Variants in SAMD12 observed in about 807,000 individuals in gnomAD.
SAMD12 encodes the protein sterile alpha motif domain-containing protein 12.
SAMD12 carries 9 observed loss-of-function variants against 15.0 expected under a neutral mutation model. That is an observed-to-expected ratio of 0.60 (90% CI 0.36 to 1.05). The LOEUF (loss-of-function observed/expected upper bound fraction) is 1.05. Ranked by LOEUF, SAMD12 falls within the 50% of genes least tolerant of loss-of-function variation. The pLI, the probability that SAMD12 is intolerant of heterozygous loss-of-function variation, is 0.01. For synonymous variants in SAMD12, 86 were observed against 90.1 expected, an observed-to-expected ratio of 0.96 and a Z score of 0.25; for missense variants, 230 against 234.2, an observed-to-expected ratio of 0.98 and a Z score of 0.12.
intron 4 of SAMD12, chr8:118,288,265 G>A (rs1221357944): frequency 6.6e-6 from 1 of 152,150 alleles, no homozygotes; most frequent in Non-Finnish European, 1.5e-5. Context: ...TCAGAGAAAT[G>A]AAATAACATG....
chr8:118,447,683 TTTTTTTA>T (rs1822955349), intron 2 of SAMD12, among the ~76,000 whole-genome samples: 1 of 147,426 alleles, frequency 6.8e-6, no homozygotes, highest in African/African-American at 2.6e-5. Context: ...TTTCATTTTA[TTTTTTTA>T]TTTTTTATTT....
At chr8:118,541,303 A>C (rs1470729010) in intron 2 of SAMD12, among the ~76,000 whole-genome samples, 1 of 152,168 alleles carries the variant, frequency 6.6e-6, no homozygotes, top group Admixed American at 6.5e-5. Context: ...TCTAAGCCTT[A>C]CCCTTCCTCA....
chr8:118,524,514 G>A lies in SAMD12; in HGVS notation c.192+56201C>T, dbSNP rs773525351. On this transcript the variant is annotated intron_variant, in intron 2 of 3. Transcript: ENST00000314727. ...CTCTTCCCTCCCCCTAGGATAACTC[G>A]CCCAGTCTCCAGGCTTTAAATACCA... Among the ~76,000 whole-genome samples, 7 of 151,806 alleles carry A rather than the reference G, an allele frequency of 4.6e-5. No homozygotes were observed. The South Asian group carries it at 1.0e-3, about 23-fold the overall frequency.
chr8:118,557,416 G>A (rs112189423), intron 2 of SAMD12, among the ~76,000 whole-genome samples: 2,685 of 152,278 alleles, frequency 0.018, 81 homozygotes, highest in African/African-American at 0.061. Flanking sequence ...AGCTGTGTGA[G>A]AACAGACTAA....
intron 4 of SAMD12, among the ~76,000 whole-genome samples, chr8:118,338,490 T>C (rs1314815088): frequency 6.6e-6 from 1 of 152,216 alleles, no homozygotes; most frequent in Non-Finnish European, 1.5e-5. Context: ...AAACAATGTG[T>C]TAAAGAATAA....
At chr8:118,448,239 C>A (rs1313783295) in intron 2 of SAMD12, among the ~76,000 whole-genome samples, 16 of 152,196 alleles carry the variant, frequency 1.1e-4, no homozygotes, top group Non-Finnish European at 2.1e-4. Context: ...CTATCCTGAT[C>A]TCCCTGTTTA....
At chr8:118,279,353 G>T (rs952552263) in intron 4 of SAMD12, among the ~76,000 whole-genome samples, 2 of 150,840 alleles carry the variant, frequency 1.3e-5, no homozygotes, top group African/African-American at 4.9e-5. Flanking sequence ...GAATACACAT[G>T]AAAAAAAAAT....
intron 4 of SAMD12, among the ~76,000 whole-genome samples, chr8:118,283,808 T>C (rs927650584): frequency 6.6e-6 from 1 of 152,182 alleles, no homozygotes; most frequent in Admixed American, 6.5e-5. Flanking sequence ...CAGATGAATA[T>C]GGGATTAAAC....
chr8:118,428,371 C>T (rs1189112018), intron 3 of SAMD12, among the ~76,000 whole-genome samples: 3 of 147,956 alleles, frequency 2.0e-5, no homozygotes, highest in Non-Finnish European at 4.5e-5. Context: ...TCAAGTCCAG[C>T]GTGGGCAACA....
At chr8:118,166,596 T>C in the SAMD12 span, among the ~76,000 whole-genome samples, 1 of 152,228 alleles carries the variant, frequency 6.6e-6, no homozygotes, top group Non-Finnish European at 1.5e-5. Context: ...GCATGGTTAT[T>C]CACCTTTACA....
At chr8:118,581,403 T>C (rs1827293461) in intron 1 of SAMD12, among the ~76,000 whole-genome samples, 1 of 152,168 alleles carries the variant, frequency 6.6e-6, no homozygotes, top group East Asian at 1.9e-4. Flanking sequence ...CCTGGAAACA[T>C]GGATTTACAT....
At chr8:118,197,411 A>G (rs2129756638) in exon 5 of SAMD12, 2 of 480,492 alleles carry the variant, frequency 4.2e-6, no homozygotes, top group Non-Finnish European at 7.4e-6. Context: ...AGCTCCCCAA[A>G]GGGAACTTGA....
intron 2 of SAMD12, among the ~76,000 whole-genome samples, chr8:118,548,843 CAG>C (rs569549997): frequency 1.2e-3 from 176 of 152,314 alleles, no homozygotes; most frequent in African/African-American, 4.1e-3. Context: ...GCTTTTCCGA[CAG>C]ACTTAAAAAA....
chr8:118,176,917 CTGTT>C, the SAMD12 span, among the ~76,000 whole-genome samples: 1 of 152,124 alleles, frequency 6.6e-6, no homozygotes, highest in African/African-American at 2.4e-5. Flanking sequence ...TTGTTACTGT[CTGTT>C]TGTGTGGGAA....
At chr8:118,268,206 C>T (rs1045438334) in intron 4 of SAMD12, among the ~76,000 whole-genome samples, 1 of 152,138 alleles carries the variant, frequency 6.6e-6, no homozygotes, top group African/African-American at 2.4e-5. Flanking sequence ...CTACTTCTCA[C>T]TATGAAAGCA....
intron 2 of SAMD12, among the ~76,000 whole-genome samples, chr8:118,548,639 C>T (rs533043746): frequency 1.5e-3 from 233 of 152,288 alleles, no homozygotes; most frequent in African/African-American, 5.4e-3. Context: ...TCTGAGGTAC[C>T]GGGTTCATCT....
chr8:118,202,564 C>G (rs1006318862), intron 4 of SAMD12, among the ~76,000 whole-genome samples: 4 of 152,154 alleles, frequency 2.6e-5, no homozygotes, highest in African/African-American at 9.7e-5. Flanking sequence ...TGGATTATGT[C>G]CCGCCCCACC....
chr8:118,287,571 C>A (rs928258882), intron 4 of SAMD12, among the ~76,000 whole-genome samples: 1 of 152,164 alleles, frequency 6.6e-6, no homozygotes, highest in South Asian at 2.1e-4. Context: ...TGGTATTCAT[C>A]ATCTCTGCCT....
chr8:118,375,139 A>T (rs1316079783), downstream of SAMD12, among the ~76,000 whole-genome samples: 1 of 152,140 alleles, frequency 6.6e-6, no homozygotes, highest in African/African-American at 2.4e-5. Context: ...CCTCTGTCAT[A>T]GAATATGCAA....
Sources: gnomAD v4.1 joint callset for allele counts (sites outside exome capture counted in the v4.1 genomes callset) on GRCh38, gnomAD v4.1.1 for gene constraint, MANE v1.5 for transcripts, NCBI Gene and HGNC (gene_info 2026-07-23, HGNC 2026-07-21) for gene names.